Variants in ANKRD28 observed in about 807,000 individuals in gnomAD.
ANKRD28 encodes the protein ankyrin repeat domain 28.
ANKRD28 carries 44 observed loss-of-function variants against 126.5 expected under a neutral mutation model. The observed-to-expected ratio is 0.35, with a 90% CI of 0.27 to 0.45. The LOEUF (loss-of-function observed/expected upper bound fraction) is 0.45. Ranked by LOEUF, ANKRD28 falls within the 20% of genes least tolerant of loss-of-function variation. The pLI is 1.00. For synonymous variants in ANKRD28, 442 were observed against 468.5 expected (o/e 0.94, Z 0.73); for missense variants, 1,110 against 1,316.6 (o/e 0.84, Z 2.43).
In ANKRD28 at chr3:15,787,372, T is replaced by C. The variant is rs139302653; in HGVS notation, c.201+7851A>G. On this transcript the variant is annotated intron_variant, in intron 2 of 27. Coordinates refer to ENST00000683139, the MANE Select transcript of ANKRD28 (RefSeq NM_001349278.2). The stretch of plus-strand genomic sequence containing the variant: ...ATGGATCTTGGGAGAAACCTCAACA[T>C]TGACGAAGATAATTTACAAATTTGA... Among the ~76,000 whole-genome samples, 301 of 152,240 alleles carry C rather than the reference T, an allele frequency of 2.0e-3. 2 individuals carry two copies. Among genetic ancestry groups the C allele is most frequent in the African/African-American group, 6.8e-3 (284 of 41,556 alleles).
intron 1 of ANKRD28, among the ~76,000 whole-genome samples, chr3:15,850,578 C>T (rs1413308009): frequency 1.3e-5 from 2 of 152,008 alleles, no homozygotes; most frequent in African/African-American, 4.8e-5. Flanking sequence ...TTTACATGGC[C>T]TTCTCACCTA....
At chr3:15,691,886 T>A (rs185559707) in intron 17 of ANKRD28, among the ~76,000 whole-genome samples, 9 of 152,242 alleles carry the variant, frequency 5.9e-5, no homozygotes. Flanking sequence ...CCCAGCACTT[T>A]GGGGAGGCTG....
At chr3:15,844,035 T>C (rs573778716) in intron 1 of ANKRD28, among the ~76,000 whole-genome samples, 1 of 152,162 alleles carries the variant, frequency 6.6e-6, no homozygotes, top group Non-Finnish European at 1.5e-5. Flanking sequence ...ATGGGTGTTG[T>C]AGAGAACAAA....
At chr3:15,761,244 C>T (rs1189124889) in intron 3 of ANKRD28, among the ~76,000 whole-genome samples, 1 of 152,076 alleles carries the variant, frequency 6.6e-6, no homozygotes, top group South Asian at 2.1e-4. Flanking sequence ...AAGATTATAC[C>T]TACCTGCTAC....
rs1356145632 is a variant in ANKRD28 at position 15,712,808 on chromosome 3, A to T, written c.1191-586T>A. Among the ~76,000 whole-genome samples, 2 of 152,256 alleles carry T rather than the reference A, an allele frequency of 1.3e-5. 1 individual carries two copies. Reference sequence around the variant, plus strand: ...GAGCAACTTGTACAGATGTGAAAGAAGGCCTAAATTTCTATCTAGATGGCT... The same window carrying T: ...GAGCAACTTGTACAGATGTGAAAGATGGCCTAAATTTCTATCTAGATGGCT... On this transcript the variant is annotated intron_variant, in intron 10 of 27. Coordinates refer to ENST00000683139, the MANE Select transcript of ANKRD28 (RefSeq NM_001349278.2).
chr3:15,766,145 CATGCAGTAAATAGTCAATTATG>C, intron 3 of ANKRD28, 67 bp downstream of exon 3: 1 of 933,732 alleles, frequency 1.1e-6, no homozygotes, highest in South Asian at 1.7e-5. Context: ...AACAACAGGC[CATGCAGTAAATAGTCAATTATG>C]ATTGAGAAAC....
At chr3:15,831,997 A>T (rs2125937208) in intron 1 of ANKRD28, among the ~76,000 whole-genome samples, 1 of 152,350 alleles carries the variant, frequency 6.6e-6, no homozygotes, top group East Asian at 1.9e-4. Flanking sequence ...GTCCTATCTC[A>T]GACACACTTA....
At chr3:15,823,506 A>T (rs1193531683) in intron 1 of ANKRD28, among the ~76,000 whole-genome samples, 1 of 152,246 alleles carries the variant, frequency 6.6e-6, no homozygotes, top group African/African-American at 2.4e-5. Context: ...TTCTCAAAAT[A>T]AAAGAAGAGG....
chr3:15,737,336 G>A (rs2075086106), intron 4 of ANKRD28, 103 bp from the exon 5 acceptor site: 3 of 974,370 alleles, frequency 3.1e-6, no homozygotes, highest in South Asian at 1.8e-5. Context: ...ATCTACATAT[G>A]AAGAAAATAA....
At chr3:15,764,987 C>T (rs1229402521) in intron 3 of ANKRD28, among the ~76,000 whole-genome samples, 1 of 151,048 alleles carries the variant, frequency 6.6e-6, no homozygotes, top group Non-Finnish European at 1.5e-5. Context: ...AAACTCTGGG[C>T]TATTATTTAA....
At chr3:15,747,979 A>G (rs1191527778) in intron 4 of ANKRD28, among the ~76,000 whole-genome samples, 7 of 152,190 alleles carry the variant, frequency 4.6e-5, no homozygotes, top group African/African-American at 1.4e-4. Context: ...CTGTTGCTTT[A>G]AGGTCTGTTT....
intron 1 of ANKRD28, among the ~76,000 whole-genome samples, chr3:15,831,457 A>G (rs2061188681): frequency 1.3e-5 from 2 of 152,222 alleles, no homozygotes; most frequent in African/African-American, 2.4e-5. Flanking sequence ...TGTCCACAGT[A>G]GGATGTTTAG....
rs2061360036 is a variant in ANKRD28 at position 15,838,140 on chromosome 3, A to C, written c.27+21237T>G. On this transcript the variant is annotated intron_variant, in intron 1 of 27. Transcript: ENST00000399451. This position sits in a 1 kb window ranked among gnomAD's most constrained non-coding sequence, Gnocchi z 4.0. ...AATTAGTAATTAAAATCTTCCCACA[A>C]AGAAAAGCCTTGGCCCACATAGTTT... Among the ~76,000 whole-genome samples, 1 of 152,200 alleles carries C rather than the reference A, an allele frequency of 6.6e-6. No individual in the cohort carries two copies. The highest frequency in any genetic ancestry group is 2.4e-5 in the African/African-American group (1 of 41,464).
intron 7 of ANKRD28, among the ~76,000 whole-genome samples, chr3:15,722,790 C>A (rs923295701): frequency 3.9e-5 from 6 of 152,078 alleles, no homozygotes; most frequent in Non-Finnish European, 7.4e-5. Context: ...AGAACACAGA[C>A]AAGGAACAGA....
intron 2 of ANKRD28, among the ~76,000 whole-genome samples, chr3:15,776,011 C>T (rs530986290): frequency 6.6e-6 from 1 of 152,222 alleles, no homozygotes; most frequent in South Asian, 2.1e-4. Flanking sequence ...ATCTGAGGGG[C>T]CTCAAATAGC....
intron 2 of ANKRD28, among the ~76,000 whole-genome samples, chr3:15,782,024 T>C (rs149652399): frequency 2.6e-5 from 4 of 152,218 alleles, no homozygotes; most frequent in Admixed American, 6.6e-5. Flanking sequence ...TTCTGACAGT[T>C]TTTCCTAATC....
At chr3:15,793,984 C>T (rs1322609472) in intron 2 of ANKRD28, among the ~76,000 whole-genome samples, 7 of 152,044 alleles carry the variant, frequency 4.6e-5, no homozygotes, top group Non-Finnish European at 8.8e-5. Flanking sequence ...GCAGGAGAAT[C>T]GCTTGAACCC....
At chr3:15,735,545 G>T in intron 5 of ANKRD28, 48 bp from the exon 6 acceptor site, 3 of 1,336,494 alleles carry the variant, frequency 2.2e-6, no homozygotes, top group Non-Finnish European at 3.1e-6. Flanking sequence ...AAGCACAATT[G>T]TCTATGAATG....
chr3:15,752,948 C>T (rs1268047762), intron 3 of ANKRD28, among the ~76,000 whole-genome samples: 1 of 152,016 alleles, frequency 6.6e-6, no homozygotes, highest in Non-Finnish European at 1.5e-5. Context: ...GTGCCTAGTA[C>T]ATAATAGCAA....
Sources: gnomAD v4.1 joint callset for allele counts (sites outside exome capture counted in the v4.1 genomes callset) on GRCh38, gnomAD v4.1.1 for gene constraint, Gnocchi (gnomAD v3.1) non-coding constraint, MANE v1.5 for transcripts, NCBI Gene and HGNC (gene_info 2026-07-23, HGNC 2026-07-21) for gene names.